Variants in ADGRG3 observed in about 807,000 individuals in gnomAD.
The protein encoded by ADGRG3 is adhesion G protein-coupled receptor G3.
ADGRG3 carries 39 observed loss-of-function variants against 54.3 expected under a neutral mutation model. That is an observed-to-expected ratio of 0.72 (90% CI 0.56 to 0.94). The LOEUF (loss-of-function observed/expected upper bound fraction) is 0.94. Among genes scored for constraint, ADGRG3 ranks in the 40% least tolerant of loss-of-function variants. The pLI is 0.00. For missense variants in ADGRG3, 654 were observed against 694.6 expected (o/e 0.94, Z 0.66); for synonymous variants, 312 against 290.0 (o/e 1.08, Z -0.77).
chr16:57,676,144 A>G lies in ADGRG3; in HGVS notation c.207-56A>G, dbSNP rs2048258996. 3 of 1,536,998 alleles carry G rather than the reference A, an allele frequency of 2.0e-6. No individual in the cohort carries two copies. In the South Asian group the frequency reaches 3.4e-5, roughly 17 times the overall value. ...GCCCTCTCACCCCAGGAGCCTGATG[A>G]GTGAGTAACTCAGCCTGCAGGATCC... On this transcript the variant is annotated intron_variant, in intron 2 of 11. Transcript: ENST00000333493.
chr16:57,681,584 G>A (rs756070418), intron 8 of ADGRG3, among the ~76,000 whole-genome samples: 1 of 151,970 alleles, frequency 6.6e-6, no homozygotes, highest in Non-Finnish European at 1.5e-5. Flanking sequence ...AAGTTAGCTG[G>A]GCGTGGTGGT....
At chr16:57,666,225 T>TG (rs1282128414), upstream of ADGRG3, among the ~76,000 whole-genome samples, 4 of 152,130 alleles carry the variant, frequency 2.6e-5, no homozygotes, top group South Asian at 2.1e-4. Flanking sequence ...TCTTCCAGAA[T>TG]GGGGGGGAAA....
upstream of ADGRG3, chr16:57,668,242 G>A (rs1597748464): frequency 1.1e-6 from 1 of 874,942 alleles, no homozygotes; most frequent in Non-Finnish European, 1.8e-6. Flanking sequence ...GACACAGGAA[G>A]CCAGAGTGGT....
Position 57,685,844 on chromosome 16 carries a change from G to A in ADGRG3, c.1458G>A (p.Val486=), listed in dbSNP as rs1308607431. 1 of 1,614,162 alleles carries A rather than the reference G, an allele frequency of 6.2e-7. No homozygotes were observed. Among genetic ancestry groups the A allele is most frequent in the Non-Finnish European group, 8.5e-7 (1 of 1,180,022 alleles). The change falls in exon 11 of 12, where the codon GTG becomes GTA. Residue 486 remains valine (V), a synonymous_variant. Transcript: ENST00000333493. ...CCCTGCTGGGCCTCTCGAGCCTGGT[G>A]GGTGTGACATGGGGGTTGGCCATCT... ...VLTLLGLSSL[V]GVTWGLAIFT...
chr16:57,668,673 GGGT>G (rs1279746478), intron 1 of ADGRG3, among the ~76,000 whole-genome samples: 1 of 152,218 alleles, frequency 6.6e-6, no homozygotes, highest in Non-Finnish European at 1.5e-5. Flanking sequence ...GGAGGTCGGA[GGGT>G]GCTCCCTGAC....
chr16:57,668,284 C>A, upstream of ADGRG3: 1 of 1,403,932 alleles, frequency 7.1e-7, no homozygotes, highest in Non-Finnish European at 9.8e-7. Flanking sequence ...GCCAGCTCAG[C>A]AGAGCCTGGG....
At chr16:57,669,301 C>T (rs2048110158) in intron 1 of ADGRG3, among the ~76,000 whole-genome samples, 1 of 152,226 alleles carries the variant, frequency 6.6e-6, no homozygotes, top group Non-Finnish European at 1.5e-5. Context: ...TTCAAATAAC[C>T]CTCTTCTTTT....
rs2048240493 is a variant in ADGRG3 at position 57,675,205 on chromosome 16, G to C, written c.207-995G>C. On this transcript the variant is annotated intron_variant, in intron 2 of 11. Transcript: ENST00000333493. ...AAATAAAATACAGGGGCCAGGCACT[G>C]TGGCTCGTGCCCAAAGTCATCCCAG... Among the ~76,000 whole-genome samples, 3 of 152,122 alleles carry C rather than the reference G, an allele frequency of 2.0e-5. No homozygotes were observed. In the South Asian group the frequency reaches 6.2e-4, roughly 32 times the overall value.
Position 57,688,715 on chromosome 16 carries a change from GACAGTC to G in ADGRG3, c.*257_*262del, listed in dbSNP as rs2048520480. On this transcript the variant is annotated 3_prime_UTR_variant, in exon 12 of 12. Coordinates refer to ENST00000333493, the MANE Select transcript of ADGRG3 (RefSeq NM_170776.5). ...CTGAGACCCCCTGCCAGCAAAGAGTGACAGTCACCTCCATGCCCTGCCCTCATTGCA... is the reference window on the plus strand; with the variant it reads ...CTGAGACCCCCTGCCAGCAAAGAGTGACCTCCATGCCCTGCCCTCATTGCA... 1.7e-5 allele frequency: 8 copies of G among 461,410 alleles called. No individual in the cohort carries two copies. Among genetic ancestry groups the G allele is most frequent in the Non-Finnish European group, 2.8e-5 (7 of 252,066 alleles). The allele number at this position is 461,410 out of a possible 1,614,324, so 28.6% of individuals were successfully genotyped here.
chr16:57,684,072 G>A lies in ADGRG3; in HGVS notation c.1022G>A (p.Arg341Gln), dbSNP rs148644149. The A allele has an allele frequency of 4.5e-5, 72 of 1,613,898 alleles. No homozygotes were observed. The highest frequency in any genetic ancestry group is 1.4e-4 in the South Asian group (13 of 91,074). ...SKGSDAACWARGAVFHYFLLC... is the reference protein window; with the variant it reads ...SKGSDAACWAQGAVFHYFLLC... ...GGGTCTGATGCTGCCTGCTGGGCCC[G>A]GGGGGCTGTCTTCCACTACTTCCTG... Residue 341 changes from arginine to glutamine, a missense_variant, in exon 9 of 12, where the codon CGG (arginine) becomes CAG (glutamine). Coordinates refer to ENST00000333493, the MANE Select transcript of ADGRG3 (RefSeq NM_170776.5).
At chr16:57,669,027 C>T (rs1228434956) in intron 1 of ADGRG3, among the ~76,000 whole-genome samples, 1 of 152,222 alleles carries the variant, frequency 6.6e-6, no homozygotes, top group Non-Finnish European at 1.5e-5. Context: ...TTGCTGGCCT[C>T]TCTCCCAGGA....
chr16:57,685,558 A>G (rs1398691114), intron 10 of ADGRG3, 85 bp from the exon 11 acceptor site: 2 of 1,355,382 alleles, frequency 1.5e-6, no homozygotes, highest in African/African-American at 2.9e-5. Context: ...ACCTTCACAG[A>G]CAGAAAAGCT....
In ADGRG3 at chr16:57,679,118, G is replaced by C. The variant is rs80122575; in HGVS notation, c.493-59G>C. ...CCTGGAGGCTCCTAGGAACCCCAGC[G>C]TTGGTGGGTTGGGATGGCCCCTTCT... On this transcript the variant is annotated intron_variant, in intron 4 of 11. Transcript: ENST00000333493. 10,075 of 1,600,260 alleles carry C rather than the reference G, an allele frequency of 6.3e-3. 465 individuals are homozygous for C. In the East Asian group the frequency reaches 0.11, roughly 17 times the overall value.
At chr16:57,669,567 G>A (rs972420474) in intron 1 of ADGRG3, among the ~76,000 whole-genome samples, 1 of 152,192 alleles carries the variant, frequency 6.6e-6, no homozygotes, top group African/African-American at 2.4e-5. Flanking sequence ...ATGGTGATGT[G>A]GGTGCTCTGG....
At chr16:57,682,124 A>G (rs1247773777) in intron 8 of ADGRG3, among the ~76,000 whole-genome samples, 1 of 152,192 alleles carries the variant, frequency 6.6e-6, no homozygotes, top group African/African-American at 2.4e-5. Flanking sequence ...TTCCTTAGGG[A>G]AACCTGGGGC....
chr16:57,673,266 T>C, intron 1 of ADGRG3, 55 bp from the exon 2 acceptor site: 6 of 1,560,182 alleles, frequency 3.8e-6, no homozygotes, highest in Non-Finnish European at 5.3e-6. Context: ...CTGCTCCTCA[T>C]CCTTGCTGCC....
chr16:57,674,288 C>T (rs191654541), intron 2 of ADGRG3, among the ~76,000 whole-genome samples: 21 of 151,986 alleles, frequency 1.4e-4, no homozygotes, highest in Admixed American at 6.6e-4. Context: ...ATGTAGACTC[C>T]GTAAGACAAG....
upstream of ADGRG3, among the ~76,000 whole-genome samples, chr16:57,667,406 G>A (rs1052379859): frequency 2.4e-4 from 37 of 152,222 alleles, no homozygotes; most frequent in Admixed American, 1.5e-3. Flanking sequence ...AGTGGCTGGC[G>A]CCCTAATTCC....
In ADGRG3 at chr16:57,680,330, T is replaced by C. The variant is rs1567857865; in HGVS notation, c.733T>C (p.Cys245Arg). The C allele has an allele frequency of 1.9e-6, 3 of 1,612,702 alleles. No homozygotes were observed. The highest frequency in any genetic ancestry group is 2.5e-6 in the Non-Finnish European group (3 of 1,179,596). ...TEVRPEGTVC[C>R]CDHLTFFALL... ...GGTCAGACCTGAGGGGACCGTGTGC[T>C]GCTGTGACCACCTGACCTTTTTCGC... The change falls in exon 7 of 12, where the codon TGC becomes CGC. Residue 245 changes from cysteine to arginine, a missense_variant. Physicochemically the swap from Cys to Arg is radical, Grantham distance 180. Coordinates refer to ENST00000333493, the MANE Select transcript of ADGRG3 (RefSeq NM_170776.5).
Sources: allele counts gnomAD v4.1 joint callset (sites outside exome capture counted in the v4.1 genomes callset), GRCh38; gene constraint gnomAD v4.1.1; transcripts MANE v1.5; gene names NCBI Gene and HGNC (gene_info 2026-07-23, HGNC 2026-07-21).